Variants in SRPK2 observed in about 807,000 individuals in gnomAD.
The protein encoded by SRPK2 is SRSF protein kinase 2, also known as SFRS protein kinase 2.
In SRPK2, 21 loss-of-function variants were observed where a neutral mutation model predicts 90.8. The ratio of observed to expected loss-of-function variants is 0.23; its 90% CI spans 0.16 to 0.33. The LOEUF (loss-of-function observed/expected upper bound fraction) is 0.33. Ranked by LOEUF, SRPK2 falls within the 10% of genes least tolerant of loss-of-function variation. The pLI is 1.00. For synonymous variants in SRPK2, 288 were observed against 311.1 expected (o/e 0.93, Z 0.78); for missense variants, 620 against 869.0 (o/e 0.71, Z 3.60).
At chr7:105,399,313 G>T (rs115793447), upstream of SRPK2, 2 of 152,084 alleles carry the variant, frequency 1.3e-5, no homozygotes, top group African/African-American at 4.8e-5. Flanking sequence ...CTCACTGCAC[G>T]GACCCCTTCA....
At chr7:105,254,943 G>A (rs548137784) in intron 2 of SRPK2, among the ~76,000 whole-genome samples, 2 of 151,744 alleles carry the variant, frequency 1.3e-5, no homozygotes, top group Non-Finnish European at 2.9e-5. Context: ...ACCCGCCTCG[G>A]CCTCCCAAAG....
At chr7:105,132,750 G>A (rs763897974) in intron 13 of SRPK2, 41 bp downstream of exon 13, 38 of 1,504,922 alleles carry the variant, frequency 2.5e-5, no homozygotes, top group East Asian at 7.1e-5. Context: ...TGAAAGGAAC[G>A]AGCCAATTCC....
intron 2 of SRPK2, among the ~76,000 whole-genome samples, chr7:105,209,612 A>AAAGGGGAAAGAAAAGGGG (rs1436476112): frequency 6.6e-6 from 1 of 151,754 alleles, no homozygotes; most frequent in Non-Finnish European, 1.5e-5. Context: ...AGGAAAAAGG[A>AAAGGGGAAAGAAAAGGGG]AAGGGGAAAG....
intron 15 of SRPK2, chr7:105,125,824 C>T (rs1251544237): frequency 7.0e-6 from 9 of 1,293,382 alleles, no homozygotes; most frequent in South Asian, 1.2e-5. Flanking sequence ...CCCAACATAG[C>T]GTATTTTCGA....
intron 7 of SRPK2, among the ~76,000 whole-genome samples, chr7:105,150,243 C>A (rs1402360616): frequency 1.3e-5 from 2 of 152,168 alleles, no homozygotes; most frequent in East Asian, 3.8e-4. Flanking sequence ...ATGTCAAGGC[C>A]GGGCTCAGCC....
intron 2 of SRPK2, among the ~76,000 whole-genome samples, chr7:105,269,369 G>A (rs1047717062): frequency 1.1e-4 from 16 of 152,086 alleles, no homozygotes; most frequent in African/African-American, 2.9e-4. Context: ...CCAGAACCCC[G>A]ATGTATAGAT....
rs1453233062 is a variant in SRPK2, at chr7:105,132,845, A to C, written c.1698T>G (p.Val566=). Residue 566 remains valine (V), a synonymous_variant, in exon 13 of 16, where the codon GTT becomes GTG. Transcript: ENST00000393651. Reference sequence around the variant, plus strand: ...GGGTGCTGTACCCCGCTCCTATTAAAACCTCTATGGAGCGGTACTGACGCG... The same window carrying C: ...GGGTGCTGTACCCCGCTCCTATTAACACCTCTATGGAGCGGTACTGACGCG... ...IQTRQYRSIE[V]LIGAGYSTPA... is the part of the protein sequence containing the mutation. The C allele has an allele frequency of 1.2e-6, 2 of 1,611,012 alleles. No individual in the cohort carries two copies. Among genetic ancestry groups the C allele is most frequent in the Non-Finnish European group, 1.7e-6 (2 of 1,178,484 alleles).
Position 105,211,228 on chromosome 7 carries a change from G to T in SRPK2, c.72-7443C>A, listed in dbSNP as rs144771874. ...GATCATGGAGAATTATCAGACTTTGGCCTCAAAAAGATCTGATTTTTTTTT... is the reference window on the plus strand; with the variant it reads ...GATCATGGAGAATTATCAGACTTTGTCCTCAAAAAGATCTGATTTTTTTTT... On this transcript the variant is annotated intron_variant, in intron 2 of 15. Transcript: ENST00000393651. Among the ~76,000 whole-genome samples, 162 of 152,144 alleles carry T rather than the reference G, an allele frequency of 1.1e-3. 1 individual carries two copies. Among genetic ancestry groups the T allele is most frequent in the African/African-American group, 3.8e-3 (158 of 41,510 alleles).
At chr7:105,373,791 G>A (rs931940586) in intron 2 of SRPK2, among the ~76,000 whole-genome samples, 5 of 152,202 alleles carry the variant, frequency 3.3e-5, no homozygotes, top group South Asian at 2.1e-4. Context: ...TGTCGTAAGT[G>A]CTTTAAATGT....
intron 2 of SRPK2, among the ~76,000 whole-genome samples, chr7:105,332,551 G>A (rs993560769): frequency 6.6e-6 from 1 of 152,040 alleles, no homozygotes; most frequent in African/African-American, 2.4e-5. Flanking sequence ...ATCACCTGAG[G>A]TCAGGAGTTC....
At chr7:105,200,217 T>C (rs1426670145) in intron 3 of SRPK2, among the ~76,000 whole-genome samples, 2 of 152,106 alleles carry the variant, frequency 1.3e-5, no homozygotes, top group Non-Finnish European at 2.9e-5. Flanking sequence ...CGAGAATTGC[T>C]TGAACCCAGG....
intron 3 of SRPK2, among the ~76,000 whole-genome samples, chr7:105,183,778 C>T (rs952478745): frequency 2.0e-5 from 3 of 152,160 alleles, no homozygotes; most frequent in Admixed American, 6.5e-5. Flanking sequence ...GTGTGAGCCA[C>T]CACGCCCTGC....
chr7:105,266,693 G>A (rs1200158488), intron 2 of SRPK2, among the ~76,000 whole-genome samples: 1 of 151,974 alleles, frequency 6.6e-6, no homozygotes, highest in Admixed American at 6.6e-5. Flanking sequence ...TAGCTGGACT[G>A]GTGAACAAGG....
intron 2 of SRPK2, among the ~76,000 whole-genome samples, chr7:105,288,569 G>A (rs969840131): frequency 1.3e-5 from 2 of 152,056 alleles, no homozygotes; most frequent in African/African-American, 2.4e-5. Flanking sequence ...ACTCCAGCCC[G>A]AGCGACAGTG....
intron 2 of SRPK2, among the ~76,000 whole-genome samples, chr7:105,372,828 C>A (rs530117539): frequency 2.0e-5 from 3 of 152,250 alleles, no homozygotes; most frequent in Admixed American, 2.0e-4. Context: ...GTGGCTCACA[C>A]CTATAATCCC....
At chr7:105,210,568 T>C (rs997059421) in intron 2 of SRPK2, among the ~76,000 whole-genome samples, 1 of 152,222 alleles carries the variant, frequency 6.6e-6, no homozygotes, top group Non-Finnish European at 1.5e-5. Flanking sequence ...TCAAAAACTT[T>C]GTGTAAATCA....
At chr7:105,235,212 T>G (rs1397370398) in intron 2 of SRPK2, among the ~76,000 whole-genome samples, 1 of 152,248 alleles carries the variant, frequency 6.6e-6, no homozygotes, top group Non-Finnish European at 1.5e-5. Context: ...TGTAAACTTG[T>G]AGGAATAGAG....
intron 2 of SRPK2, among the ~76,000 whole-genome samples, chr7:105,290,140 T>C (rs533017705): frequency 6.7e-6 from 1 of 148,354 alleles, no homozygotes; most frequent in African/African-American, 2.5e-5. Context: ...AGATATACAA[T>C]GAAAACTTCT....
chr7:105,153,056 A>T (rs911891722), intron 7 of SRPK2, among the ~76,000 whole-genome samples: 11 of 151,996 alleles, frequency 7.2e-5, no homozygotes, highest in African/African-American at 2.7e-4. Flanking sequence ...AAACCTTAAT[A>T]CTTGGTGCTA....
Sources: gnomAD v4.1 joint callset for allele counts (sites outside exome capture counted in the v4.1 genomes callset) on GRCh38, gnomAD v4.1.1 for gene constraint, MANE v1.5 for transcripts, NCBI Gene and HGNC (gene_info 2026-07-23, HGNC 2026-07-21) for gene names.